The following CDH12 variants were observed in gnomAD, a reference collection of about 807,000 sequenced individuals.
CDH12 encodes the protein cadherin-12.
CDH12 carries 41 observed loss-of-function variants against 74.1 expected under a neutral mutation model. That is an observed-to-expected ratio of 0.55 (90% CI 0.43 to 0.72). The LOEUF is 0.72. Ranked by LOEUF, CDH12 falls within the 30% of genes least tolerant of loss-of-function variation. The probability of loss-of-function intolerance (pLI) is 0.00; values close to 1 mark genes in which losing one functional copy is unlikely to be tolerated. For missense variants in CDH12, 945 were observed against 977.2 expected (o/e 0.97, Z 0.44); for synonymous variants, 399 against 355.0 (o/e 1.12, Z -1.39).
At chr5:22,427,162 G>T (rs557900412) in intron 2 of CDH12, among the ~76,000 whole-genome samples, 1 of 152,160 alleles carries the variant, frequency 6.6e-6, no homozygotes, top group East Asian at 1.9e-4. Flanking sequence ...TACTTTTAGA[G>T]AATAAAGGGA....
chr5:22,396,873 C>A (rs1229996104), intron 3 of CDH12, among the ~76,000 whole-genome samples: 1 of 152,094 alleles, frequency 6.6e-6, no homozygotes, highest in African/African-American at 2.4e-5. Context: ...GTCTGTCGTA[C>A]CTCCTAAAAT....
chr5:21,870,376 T>C (rs1168689165), intron 6 of CDH12, among the ~76,000 whole-genome samples: 1 of 152,106 alleles, frequency 6.6e-6, no homozygotes, highest in African/African-American at 2.4e-5. Context: ...GCAGGGACCA[T>C]CCAATTAGCT....
Position 22,405,341 on chromosome 5 carries a change from G to A in CDH12, c.-417C>T, listed in dbSNP as rs1475414303. The A allele has an allele frequency of 2.1e-6, 2 of 960,844 alleles. No individual in the cohort carries two copies. The highest frequency in any genetic ancestry group is 1.2e-4 in the Admixed American group (2 of 16,214). 59.5% of individuals were successfully genotyped at this position (960,844 alleles called of 1,614,324 possible). On this transcript the variant is annotated 5_prime_UTR_variant, in exon 3 of 15. Transcript: ENST00000382254. ...CACAGTAACTTGATTCTATAGCACT[G>A]GACATCAAAGCTGAAAAATATGTAA...
chr5:22,015,414 G>C (rs1195970542), intron 5 of CDH12, among the ~76,000 whole-genome samples: 2 of 152,010 alleles, frequency 1.3e-5, no homozygotes, highest in Non-Finnish European at 2.9e-5. Context: ...TGTAGCATGA[G>C]GGAAATGTAA....
intron 2 of CDH12, among the ~76,000 whole-genome samples, chr5:22,490,824 C>T (rs1164877114): frequency 2.0e-5 from 3 of 152,138 alleles, no homozygotes; most frequent in Non-Finnish European, 4.4e-5. Flanking sequence ...ATTGCACAGC[C>T]TTACAGGTTT....
intron 2 of CDH12, among the ~76,000 whole-genome samples, chr5:22,486,483 C>T (rs1475301065): frequency 6.8e-6 from 1 of 147,856 alleles, no homozygotes; most frequent in Non-Finnish European, 1.5e-5. Flanking sequence ...CAGAGTTTCC[C>T]TCTTGTTGCC....
chr5:22,765,518 A>G (rs189491802), intron 1 of CDH12, among the ~76,000 whole-genome samples: 1 of 152,128 alleles, frequency 6.6e-6, no homozygotes, highest in African/African-American at 2.4e-5. Context: ...TACTCTTACT[A>G]GTATCTTCCA....
chr5:22,810,703 T>G (rs1445018030), intron 1 of CDH12, among the ~76,000 whole-genome samples: 1 of 152,020 alleles, frequency 6.6e-6, no homozygotes, highest in Non-Finnish European at 1.5e-5. Flanking sequence ...ATACTGAGAC[T>G]CCATCTCTGT....
intron 6 of CDH12, chr5:21,883,773 G>A (rs1380096398): frequency 1.9e-6 from 3 of 1,575,634 alleles, no homozygotes; most frequent in Non-Finnish European, 2.6e-6. Flanking sequence ...TGAATGGCTG[G>A]CAAAACTTTC....
At chr5:21,872,453 C>T (rs1751675612) in intron 6 of CDH12, among the ~76,000 whole-genome samples, 1 of 152,176 alleles carries the variant, frequency 6.6e-6, no homozygotes, top group Non-Finnish European at 1.5e-5. Context: ...ACACATTGAA[C>T]TCCAACTTAT....
At chr5:22,429,975 G>A (rs757195490) in intron 2 of CDH12, among the ~76,000 whole-genome samples, 1 of 152,176 alleles carries the variant, frequency 6.6e-6, no homozygotes, top group Non-Finnish European at 1.5e-5. Flanking sequence ...TAAACTCAGT[G>A]TGACAATACC....
intron 5 of CDH12, among the ~76,000 whole-genome samples, chr5:22,004,595 T>G (rs1736826850): frequency 6.6e-6 from 1 of 152,216 alleles, no homozygotes; most frequent in Admixed American, 6.5e-5. Flanking sequence ...TTCTCACTTC[T>G]TTCAGTCCAC....
Position 22,531,924 on chromosome 5 carries a change from C to T in CDH12, c.-522-26560G>A, listed in dbSNP as rs962021261. Among the ~76,000 whole-genome samples, 7 of 152,150 alleles carry T rather than the reference C, an allele frequency of 4.6e-5. No individual in the cohort carries two copies. The East Asian group carries it at 9.7e-4, about 21-fold the overall frequency. ...TTGAGTTTACACCTGGAGACTGCAA[C>T]GGAGAGTCTCTGGACTGTGGTTCAC... On this transcript the variant is annotated intron_variant, in intron 1 of 14. Coordinates refer to ENST00000382254, the MANE Select transcript of CDH12 (RefSeq NM_004061.5).
intron 5 of CDH12, among the ~76,000 whole-genome samples, chr5:22,007,442 G>T (rs1737033144): frequency 2.1e-5 from 3 of 142,714 alleles, no homozygotes; most frequent in Admixed American, 2.1e-4. Context: ...ACACCATAAA[G>T]ATATACAACT....
intron 4 of CDH12, among the ~76,000 whole-genome samples, chr5:22,112,732 T>G (rs950494473): frequency 6.6e-6 from 1 of 152,168 alleles, no homozygotes; most frequent in Non-Finnish European, 1.5e-5. Flanking sequence ...CAGGGAGGCA[T>G]AACAGTGTAA....
intron 8 of CDH12, among the ~76,000 whole-genome samples, chr5:21,838,808 T>C (rs145771494): frequency 4.6e-5 from 7 of 152,284 alleles, no homozygotes; most frequent in African/African-American, 1.7e-4. Context: ...CATTGAGCCA[T>C]TGTCATCATG....
chr5:22,802,788 T>G (rs1304110829), intron 1 of CDH12, among the ~76,000 whole-genome samples: 1 of 152,200 alleles, frequency 6.6e-6, no homozygotes, highest in Non-Finnish European at 1.5e-5. Flanking sequence ...GCCATAGTTT[T>G]TATATCCTTA....
chr5:22,523,718 C>T (rs550799230), intron 1 of CDH12, among the ~76,000 whole-genome samples: 1 of 152,198 alleles, frequency 6.6e-6, no homozygotes, highest in Non-Finnish European at 1.5e-5. Flanking sequence ...TAGGTTGCCT[C>T]ATATAATTCT....
At chr5:21,953,040 C>A (rs1460382669) in intron 6 of CDH12, among the ~76,000 whole-genome samples, 1 of 151,758 alleles carries the variant, frequency 6.6e-6, no homozygotes, top group African/African-American at 2.4e-5. Context: ...TGCAGCCATG[C>A]TTCCCCTTTC....
Sources: gnomAD v4.1 joint callset for allele counts (sites outside exome capture counted in the v4.1 genomes callset) on GRCh38, gnomAD v4.1.1 for gene constraint, MANE v1.5 for transcripts, NCBI Gene and HGNC (gene_info 2026-07-23, HGNC 2026-07-21) for gene names.